TGFB1I1: variants seen among roughly 807,000 people sequenced by gnomAD.
TGFB1I1 encodes the protein transforming growth factor beta-1-induced transcript 1 protein.
In TGFB1I1, 33 loss-of-function variants were observed where a neutral mutation model predicts 52.0. The ratio of observed to expected loss-of-function variants is 0.63; its 90% CI spans 0.48 to 0.85. The LOEUF (loss-of-function observed/expected upper bound fraction) is 0.85, where lower values mean the gene tolerates loss of function less well. TGFB1I1 is among the 40% of genes least tolerant of loss of function. The pLI is 0.00. For synonymous variants in TGFB1I1, 236 were observed against 253.3 expected (o/e 0.93, Z 0.65); for missense variants, 577 against 614.9 (o/e 0.94, Z 0.65).
In TGFB1I1 at chr16:31,477,066, G is replaced by A. The variant is rs1472111614; in HGVS notation, c.1119+56G>A. The stretch of plus-strand genomic sequence containing the variant: ...GCGGGTCAAGGGTACAGGGCTGTGG[G>A]GCGGGGCCTTGGAGGGGCGGGTCAA... On this transcript the variant is annotated intron_variant, in intron 10 of 10. Transcript: ENST00000394863. The surrounding 1 kb of genome is among the most constrained non-coding windows in gnomAD (Gnocchi z 4.7). 6 of 1,500,374 alleles carry A rather than the reference G, an allele frequency of 4.0e-6. No individual in the cohort carries two copies. Among genetic ancestry groups the A allele is most frequent in the Non-Finnish European group, 5.3e-6 (6 of 1,125,348 alleles). 92.9% of individuals were successfully genotyped at this position (1,500,374 alleles called of 1,614,324 possible).
At position 31,474,581 on chromosome 16, in the gene TGFB1I1, A is replaced by G. The variant is rs760785489; in HGVS notation, c.538A>G (p.Thr180Ala). 1.2e-6 allele frequency: 2 copies of G among 1,608,614 alleles called. No individual in the cohort carries two copies. The highest frequency in any genetic ancestry group is 1.7e-6 in the Non-Finnish European group (2 of 1,176,296). Residue 180 changes from threonine to alanine, a missense_variant, in exon 7 of 11, where the codon ACT becomes GCT. Thr to Ala is a moderately conservative substitution (Grantham distance 58). Transcript: ENST00000394863. The surrounding 1 kb of genome is among the most constrained non-coding windows in gnomAD (Gnocchi z 4.2). ...VQNHLPASGP[T>A]QPPVVSSTNE... ...GCTGCAGCTTCCAGCCTCTGGGCCA[A>G]CTCAGCCACCGGTGGTGAGCTCCAC...
At chr16:31,472,846 C>T (rs1399648508) in intron 1 of TGFB1I1, 1 of 152,484 alleles carries the variant, frequency 6.6e-6, no homozygotes, top group African/African-American at 2.4e-5. Flanking sequence ...GTATCTCGTC[C>T]TCCCTGCGAA....
chr16:31,473,469 C>T lies in TGFB1I1; in HGVS notation c.42C>T (p.Thr14=), dbSNP rs1317851842. 1 of 1,613,848 alleles carries T rather than the reference C, an allele frequency of 6.2e-7. No individual in the cohort carries two copies. The highest frequency in any genetic ancestry group is 8.5e-7 in the Non-Finnish European group (1 of 1,179,964). ...LDALLSDLET[T]TSHMPRSGAP... is the part of the protein sequence containing the mutation. ...CCCTGCTCTCTGACCTGGAGACTAC[C>T]ACCTCGCACATGCCAAGGTCAGGGG... Residue 14 remains threonine (T), a synonymous_variant, in exon 2 of 11, where the codon ACC becomes ACT. Coordinates refer to ENST00000394863, the MANE Select transcript of TGFB1I1 (RefSeq NM_001042454.3).
In TGFB1I1 at chr16:31,474,817, A is replaced by C. The variant is rs2082414598; in HGVS notation, c.714+60A>C. 1 of 1,504,992 alleles carries C rather than the reference A, an allele frequency of 6.6e-7. No individual in the cohort carries two copies. Among genetic ancestry groups the C allele is most frequent in the Non-Finnish European group, 9.1e-7 (1 of 1,104,308 alleles). The allele number at this position is 1,504,992 out of a possible 1,614,324, so 93.2% of individuals were successfully genotyped here. ...CTGTCACAGACCCATCTTTAGTGAGAGCTGGGCTTTATGCTGTTCCCTTTT... is the reference window on the plus strand; with the variant it reads ...CTGTCACAGACCCATCTTTAGTGAGCGCTGGGCTTTATGCTGTTCCCTTTT... On this transcript the variant is annotated intron_variant, in intron 7 of 10. Transcript: ENST00000394863. The surrounding 1 kb of genome is among the most constrained non-coding windows in gnomAD (Gnocchi z 4.2).
rs1281019681 is a variant in TGFB1I1 at position 31,473,535 on chromosome 16, A to T, written c.108A>T (p.Pro36=). 2 of 1,613,492 alleles carry T rather than the reference A, an allele frequency of 1.2e-6. No homozygotes were observed. The highest frequency in any genetic ancestry group is 1.3e-5 in the African/African-American group (1 of 74,828). The stretch of plus-strand genomic sequence containing the variant: ...CTGCGGAGCCTCTCACCCCTCCCCC[A>T]TCCTATGGCCACCAGCCACAGGTGA... ...ERPAEPLTPP[P]SYGHQPQTGS... is the part of the protein sequence containing the mutation. The change falls in exon 2 of 11, where the codon CCA becomes CCT. Residue 36 remains proline, a synonymous_variant. Coordinates refer to ENST00000394863, the MANE Select transcript of TGFB1I1 (RefSeq NM_001042454.3).
At position 31,476,219 on chromosome 16, in the gene TGFB1I1, A is replaced by G. The variant is rs541456002; in HGVS notation, c.888+34A>G. On this transcript the variant is annotated intron_variant, in intron 8 of 10. Transcript: ENST00000394863. This position sits in a 1 kb window ranked among gnomAD's most constrained non-coding sequence, Gnocchi z 7.6. Reference sequence around the variant, plus strand: ...CGCCCGGCCGCACCGAGCCCGCCCTATCTCACCAGGAGAGCTGTGGGACGG... The same window carrying G: ...CGCCCGGCCGCACCGAGCCCGCCCTGTCTCACCAGGAGAGCTGTGGGACGG... The G allele has an allele frequency of 2.9e-5, 46 of 1,598,782 alleles. No homozygotes were observed. The South Asian group carries it at 3.2e-4, about 11-fold the overall frequency.
At chr16:31,473,813 A>G in intron 3 of TGFB1I1, 22 bp from the exon 4 acceptor site, 8 of 1,612,702 alleles carry the variant, frequency 5.0e-6, no homozygotes, top group Non-Finnish European at 5.9e-6. Context: ...CCCTGAACCC[A>G]GGCTCCCACT....
chr16:31,476,655 G>C lies in TGFB1I1; in HGVS notation c.970+93G>C. The C allele has an allele frequency of 5.4e-6, 8 of 1,475,510 alleles. No homozygotes were observed. The highest frequency in any genetic ancestry group is 2.5e-5 in the South Asian group (2 of 81,388). 91.4% of individuals were successfully genotyped at this position (1,475,510 alleles called of 1,614,324 possible). On this transcript the variant is annotated intron_variant, in intron 9 of 10. Coordinates refer to ENST00000394863, the MANE Select transcript of TGFB1I1 (RefSeq NM_001042454.3). The surrounding 1 kb of genome is among the most constrained non-coding windows in gnomAD (Gnocchi z 7.6). The stretch of plus-strand genomic sequence containing the variant: ...GACCTCCGGAGTCCTCAGGGCCATG[G>C]TTTTCCTTCTGCTCTCTTCTGGCCC...
rs747402869 is a variant in TGFB1I1 at position 31,476,092 on chromosome 16, C to T, written c.795C>T (p.Ser265=). 6.2e-7 allele frequency: 1 copy of T among 1,613,920 alleles called. No homozygotes were observed. Among genetic ancestry groups the T allele is most frequent in the Non-Finnish European group, 8.5e-7 (1 of 1,180,006 alleles). ...GGCSTALGGS[S]FFEKDGAPFC... ...GTTCCACCGCCCTGGGAGGCAGCAG[C>T]TTCTTCGAGAAGGATGGAGCCCCCT... Residue 265 remains serine (S), a synonymous_variant, in exon 8 of 11, where the codon AGC becomes AGT. Coordinates refer to ENST00000394863, the MANE Select transcript of TGFB1I1 (RefSeq NM_001042454.3). This position sits in a 1 kb window ranked among gnomAD's most constrained non-coding sequence, Gnocchi z 7.6.
At position 31,474,693 on chromosome 16, in the gene TGFB1I1, G is replaced by A. The variant is rs199879867; in HGVS notation, c.650G>A (p.Arg217His). ...GGGCTGCTGCAGTCCGACCTCAGCC[G>A]CCGGGGTGTTCCCACCCAGGCCAAA... ...MLGLLQSDLS[R>H]RGVPTQAKGL... The change falls in exon 7 of 11, where the codon CGC becomes CAC. Residue 217 changes from arginine to histidine, a missense_variant. Physicochemically the swap from Arg to His is conservative, Grantham distance 29. Around this residue, in one of 3 missense-constraint regions of TGFB1I1, gnomAD observed 456 missense variants for 461.6 expected, o/e 0.99. Transcript: ENST00000394863. The surrounding 1 kb of genome is among the most constrained non-coding windows in gnomAD (Gnocchi z 4.2). 48 of 1,612,764 alleles carry A rather than the reference G, an allele frequency of 3.0e-5. No individual in the cohort carries two copies. Among genetic ancestry groups the A allele is most frequent in the Middle Eastern group, 1.6e-4 (1 of 6,074 alleles).
chr16:31,474,710 C>A lies in TGFB1I1; in HGVS notation c.667C>A (p.Gln223Lys). The A allele has an allele frequency of 6.2e-7, 1 of 1,612,660 alleles. No homozygotes were observed. The highest frequency in any genetic ancestry group is 8.5e-7 in the Non-Finnish European group (1 of 1,179,616). ...SDLSRRGVPT[Q>K]AKGLCGSCNK... ...CCTCAGCCGCCGGGGTGTTCCCACC[C>A]AGGCCAAAGGCCTCTGTGGCTCCTG... Residue 223 changes from glutamine to lysine, a missense_variant, in exon 7 of 11, where the codon CAG (glutamine) becomes AAG (lysine). Gln to Lys is a moderately conservative substitution (Grantham distance 53). Around this residue, in one of 3 missense-constraint regions of TGFB1I1, gnomAD observed 456 missense variants for 461.6 expected, o/e 0.99. Coordinates refer to ENST00000394863, the MANE Select transcript of TGFB1I1 (RefSeq NM_001042454.3). This position sits in a 1 kb window ranked among gnomAD's most constrained non-coding sequence, Gnocchi z 4.2.
At position 31,477,493 on chromosome 16, in the gene TGFB1I1, C is replaced by G. The variant is rs1160562333; in HGVS notation, c.1303C>G (p.Leu435Val). Residue 435 changes from leucine (L) to valine (V), a missense_variant, in exon 11 of 11, where the codon CTG (leucine) becomes GTG (valine). Leu to Val is a conservative substitution (Grantham distance 32, BLOSUM62 1). This residue lies in a region of TGFB1I1 where 456 missense variants were observed against 461.6 expected (regional missense o/e 0.99). Transcript: ENST00000394863. This position sits in a 1 kb window ranked among gnomAD's most constrained non-coding sequence, Gnocchi z 4.7. ...HPDHFTCTFC[L>V]RPLTKGSFQE... is the part of the protein sequence containing the mutation. ...GGACCACTTCACATGCACCTTCTGC[C>G]TGCGCCCGCTCACCAAGGGGTCCTT... 6.2e-7 allele frequency: 1 copy of G among 1,608,204 alleles called. No homozygotes were observed. Among genetic ancestry groups the G allele is most frequent in the South Asian group, 1.1e-5 (1 of 90,218 alleles).
In TGFB1I1 at chr16:31,476,252, C is replaced by A; in HGVS notation, c.888+67C>A. ...AGGAGAGCTGTGGGACGGGCCTCCA[C>A]CGCATGGGTCCCGCCCCACCCGCGA... is the stretch of plus-strand genomic sequence containing the variant. On this transcript the variant is annotated intron_variant, in intron 8 of 10. Coordinates refer to ENST00000394863, the MANE Select transcript of TGFB1I1 (RefSeq NM_001042454.3). The surrounding 1 kb of genome is among the most constrained non-coding windows in gnomAD (Gnocchi z 7.6). 6.4e-7 allele frequency: 1 copy of A among 1,564,802 alleles called. No individual in the cohort carries two copies. Among genetic ancestry groups the A allele is most frequent in the African/African-American group, 1.3e-5 (1 of 74,264 alleles).
chr16:31,474,817 A>G lies in TGFB1I1; in HGVS notation c.714+60A>G. Reference sequence around the variant, plus strand: ...CTGTCACAGACCCATCTTTAGTGAGAGCTGGGCTTTATGCTGTTCCCTTTT... The same window carrying G: ...CTGTCACAGACCCATCTTTAGTGAGGGCTGGGCTTTATGCTGTTCCCTTTT... On this transcript the variant is annotated intron_variant, in intron 7 of 10. Coordinates refer to ENST00000394863, the MANE Select transcript of TGFB1I1 (RefSeq NM_001042454.3). This position sits in a 1 kb window ranked among gnomAD's most constrained non-coding sequence, Gnocchi z 4.2. The G allele has an allele frequency of 2.0e-6, 3 of 1,504,992 alleles. No individual in the cohort carries two copies. The highest frequency in any genetic ancestry group is 2.7e-6 in the Non-Finnish European group (3 of 1,104,308). 93.2% of individuals were successfully genotyped at this position (1,504,992 alleles called of 1,614,324 possible). A position where few individuals can be genotyped will look rare whatever the true frequency, so the allele number is the denominator to read the frequency against.
In TGFB1I1 at chr16:31,476,511, CA is replaced by C. The variant is rs762593113; in HGVS notation, c.920del (p.His307ProfsTer106). On this transcript the variant is annotated frameshift_variant, in exon 9 of 11. Transcript: ENST00000394863. LOFTEE classifies it high-confidence loss of function. The surrounding 1 kb of genome is among the most constrained non-coding windows in gnomAD (Gnocchi z 7.6). The part of the protein sequence containing the change: ...KMVTALGTHW[H>X]PEHFCCVSCG... ...GGTGACCGCCTTGGGCACTCACTGG[CA>C]CCCAGAGCATTTCTGCTGCGTCAGT... The C allele has an allele frequency of 3.7e-6, 6 of 1,613,510 alleles. No individual in the cohort carries two copies. In the South Asian group the frequency reaches 6.6e-5, roughly 18 times the overall value.
At position 31,476,323 on chromosome 16, in the gene TGFB1I1, C is replaced by A; in HGVS notation, c.888+138C>A. 1 of 1,279,302 alleles carries A rather than the reference C, an allele frequency of 7.8e-7. No individual in the cohort carries two copies. Among genetic ancestry groups the A allele is most frequent in the Non-Finnish European group, 1.1e-6 (1 of 928,842 alleles). 79.2% of individuals were successfully genotyped at this position (1,279,302 alleles called of 1,614,324 possible). A position where few individuals can be genotyped will look rare whatever the true frequency, so the allele number is the denominator to read the frequency against. Reference sequence around the variant, plus strand: ...CCTTCCCCTTGGCAATGTCCACGGCCCCTTGGACTCCACTCTTCCTTTCTG... The same window carrying A: ...CCTTCCCCTTGGCAATGTCCACGGCACCTTGGACTCCACTCTTCCTTTCTG... On this transcript the variant is annotated intron_variant, in intron 8 of 10. Transcript: ENST00000394863. The surrounding 1 kb of genome is among the most constrained non-coding windows in gnomAD (Gnocchi z 7.6).
At position 31,474,560 on chromosome 16, in the gene TGFB1I1, C is replaced by G; in HGVS notation, c.520-3C>G. The G allele has an allele frequency of 6.2e-7, 1 of 1,608,410 alleles. No individual in the cohort carries two copies. The highest frequency in any genetic ancestry group is 1.1e-5 in the South Asian group (1 of 90,688). On this transcript the variant is annotated splice_region_variant and splice_polypyrimidine_tract_variant and intron_variant, in intron 6 of 10. Transcript: ENST00000394863. This position sits in a 1 kb window ranked among gnomAD's most constrained non-coding sequence, Gnocchi z 4.2. ...CTCAATTCTCATGTCCTCCCCGCTG[C>G]AGCTTCCAGCCTCTGGGCCAACTCA... is the stretch of plus-strand genomic sequence containing the variant.
chr16:31,472,287 T>G, intron 1 of TGFB1I1, 86 bp downstream of exon 1: 1 of 1,402,808 alleles, frequency 7.1e-7, no homozygotes, highest in Non-Finnish European at 9.3e-7. Context: ...CATCTCCCCA[T>G]CCCTGTCTTC....
rs2082432006 is a variant in TGFB1I1 at position 31,477,294 on chromosome 16, G to A, written c.1120-16G>A. The A allele has an allele frequency of 1.3e-6, 2 of 1,592,480 alleles. No homozygotes were observed. Among genetic ancestry groups the A allele is most frequent in the South Asian group, 2.3e-5 (2 of 88,400 alleles). On this transcript the variant is annotated splice_polypyrimidine_tract_variant and intron_variant, in intron 10 of 10. Transcript: ENST00000394863. The surrounding 1 kb of genome is among the most constrained non-coding windows in gnomAD (Gnocchi z 4.7). ...CGCTGACCTGTCTGTCCTCTTTCGC[G>A]GCTTCCCTTCCCCAGGAATGCTTCG...
Sources: allele counts gnomAD v4.1 joint callset, GRCh38; gene constraint gnomAD v4.1.1; regional missense constraint gnomAD v4.1.1; non-coding constraint Gnocchi (gnomAD v3.1); transcripts MANE v1.5; gene names NCBI Gene and HGNC (gene_info 2026-07-23, HGNC 2026-07-21).